The following GHRL variants were observed in gnomAD, a reference collection of about 807,000 sequenced individuals.
GHRL encodes appetite-regulating hormone.
GHRL carries 24 observed loss-of-function variants against 16.9 expected under a neutral mutation model. The ratio of observed to expected loss-of-function variants is 1.42; its 90% CI spans 1.03 to 2.00. The LOEUF is 2.00. GHRL is among the 30% of genes most tolerant of loss of function. The probability of loss-of-function intolerance (pLI) is 0.00; values close to 1 mark genes in which losing one functional copy is unlikely to be tolerated. For missense variants in GHRL, 193 were observed against 142.1 expected, an observed-to-expected ratio of 1.36 and a Z score of -1.82; for synonymous variants, 63 against 58.2, an observed-to-expected ratio of 1.08 and a Z score of -0.37.
At chr3:10,286,871 C>T in intron 4 of GHRL, 59 bp from the exon 5 acceptor site, 1 of 1,000,416 alleles carries the variant, frequency 1.0e-6, no homozygotes, top group East Asian at 2.4e-5. Context: ...ATCCCCATCT[C>T]AAAGGGGGCT....
rs1347806977 is a variant in GHRL at position 10,290,872 on chromosome 3, G to C, written c.-186C>G. The C allele has an allele frequency of 2.0e-6, 2 of 985,612 alleles. No individual in the cohort carries two copies. Among genetic ancestry groups the C allele is most frequent in the Non-Finnish European group, 2.4e-6 (2 of 830,120 alleles). 61.1% of individuals were successfully genotyped at this position (985,612 alleles called of 1,614,324 possible). ...GAACTAAAAATGTTCTTGTCCTCTG[G>C]GTAGAAGTCAACAGTGGAGGTCAGA... On this transcript the variant is annotated 5_prime_UTR_variant, in exon 2 of 6. Transcript: ENST00000335542.
chr3:10,289,857 G>A lies in GHRL; in HGVS notation c.130C>T (p.Pro44Ser). 1 of 1,613,282 alleles carries A rather than the reference G, an allele frequency of 6.2e-7. No individual in the cohort carries two copies. ...RVQQRKESKK[P>S]PAKLQPRALA... ...GCTCGGGGCTGCAGCTTGGCTGGTG[G>A]CTTCTTCGACTCCTTTCTCTGCTGG... The change falls in exon 4 of 6, where the codon CCA becomes TCA. Residue 44 changes from proline to serine, a missense_variant. Transcript: ENST00000335542.
chr3:10,289,144 C>T (rs1333870357), intron 4 of GHRL, among the ~76,000 whole-genome samples: 2 of 152,258 alleles, frequency 1.3e-5, no homozygotes, highest in Non-Finnish European at 2.9e-5. Context: ...TGAACCACAG[C>T]CACAGGAAGG....
Position 10,285,684 on chromosome 3 carries a change from T to C in GHRL, c.*191A>G. ...AGAATTATTTTTATTTGTATTATTT[T>C]GATTTTTTTAAAGTAAAATATTAAC... On this transcript the variant is annotated 3_prime_UTR_variant, in exon 6 of 6. Transcript: ENST00000335542. 1.8e-6 allele frequency: 1 copy of C among 548,070 alleles called. No homozygotes were observed. 34.0% of individuals were successfully genotyped at this position (548,070 alleles called of 1,614,324 possible). A position where few individuals can be genotyped will look rare whatever the true frequency, so the allele number is the denominator to read the frequency against.
chr3:10,286,836 C>T (rs1187191247), intron 4 of GHRL, 24 bp from the exon 5 acceptor site: 9 of 1,395,114 alleles, frequency 6.5e-6, no homozygotes, highest in Non-Finnish European at 9.2e-6. Context: ...CAGGGAGGAC[C>T]CAGGAGATGT....
intron 4 of GHRL, among the ~76,000 whole-genome samples, chr3:10,288,818 T>C (rs1699483750): frequency 6.6e-6 from 1 of 152,208 alleles, no homozygotes; most frequent in East Asian, 1.9e-4. Flanking sequence ...TCTCTGTCCA[T>C]CAGACCAGTG....
chr3:10,287,970 C>A (rs796716791), intron 4 of GHRL: 1 of 144,102 alleles, frequency 6.9e-6, no homozygotes, highest in Non-Finnish European at 1.5e-5. Flanking sequence ...CCATTCCCTC[C>A]AGTAAATACT....
intron 1 of GHRL, 137 bp downstream of exon 1, chr3:10,292,705 T>C: frequency 3.2e-6 from 2 of 626,486 alleles, no homozygotes; most frequent in Non-Finnish European, 5.6e-6. Context: ...GTGGAGAGGG[T>C]GGAGAGAGGT....
In GHRL at chr3:10,290,192, G is replaced by T. The variant is rs750654631; in HGVS notation, c.-12C>A. On this transcript the variant is annotated 5_prime_UTR_variant, in exon 3 of 6. Coordinates refer to ENST00000335542, the MANE Select transcript of GHRL (RefSeq NM_016362.5). ...CCTGGGGAGGGCATGGCCTCAGCTGGGTTGCAGACAGGTGGGCCTGGGGGA... is the reference window on the plus strand; with the variant it reads ...CCTGGGGAGGGCATGGCCTCAGCTGTGTTGCAGACAGGTGGGCCTGGGGGA... 7 of 1,606,156 alleles carry T rather than the reference G, an allele frequency of 4.4e-6. No individual in the cohort carries two copies. The highest frequency in any genetic ancestry group is 5.9e-6 in the Non-Finnish European group (7 of 1,177,572).
intron 4 of GHRL, chr3:10,287,916 T>G (rs1454097938): frequency 9.1e-6 from 1 of 109,818 alleles, no homozygotes; most frequent in Non-Finnish European, 1.8e-5. Flanking sequence ...ATGATTGAAT[T>G]TTTTTTTTTT....
At chr3:10,288,543 G>A (rs968151259) in intron 4 of GHRL, among the ~76,000 whole-genome samples, 1 of 152,206 alleles carries the variant, frequency 6.6e-6, no homozygotes, top group African/African-American at 2.4e-5. Flanking sequence ...TGTGGAGCTA[G>A]CCGTCTCACC....
intron 2 of GHRL, chr3:10,290,472 C>G: frequency 2.6e-6 from 1 of 390,520 alleles, no homozygotes; most frequent in South Asian, 3.7e-5. Flanking sequence ...GTCCCAGGCT[C>G]TGAGAGCTCA....
At chr3:10,286,878 G>T in intron 4 of GHRL, 66 bp from the exon 5 acceptor site, 1 of 924,056 alleles carries the variant, frequency 1.1e-6, no homozygotes, top group Non-Finnish European at 1.8e-6. Flanking sequence ...TCTCAAAGGG[G>T]GCTCTGGGCT....
intron 1 of GHRL, chr3:10,292,625 A>C: frequency 1.9e-6 from 1 of 533,210 alleles, no homozygotes; most frequent in South Asian, 2.7e-5. Context: ...TGTCACCAGG[A>C]GGTCTTCACA....
chr3:10,289,170 C>T (rs1321031500), intron 4 of GHRL, among the ~76,000 whole-genome samples: 7 of 152,222 alleles, frequency 4.6e-5, no homozygotes, highest in East Asian at 3.8e-4. Flanking sequence ...TAGAAAACCC[C>T]GTAAAATCCT....
At position 10,290,058 on chromosome 3, in the gene GHRL, G is replaced by A. The variant is rs768945629; in HGVS notation, c.108+15C>T. The A allele has an allele frequency of 6.2e-6, 10 of 1,610,586 alleles. No individual in the cohort carries two copies. The highest frequency in any genetic ancestry group is 8.5e-6 in the Non-Finnish European group (10 of 1,178,604). On this transcript the variant is annotated intron_variant, in intron 3 of 5. Coordinates refer to ENST00000335542, the MANE Select transcript of GHRL (RefSeq NM_016362.5). ...GGGCTGGAACAACATGTGGGGCTTT[G>A]TGGGGAGGTCTCACCTGGACTCTCT...
Position 10,291,043 on chromosome 3 carries a change from T to C in GHRL, c.-357A>G. 2.0e-6 allele frequency: 2 copies of C among 985,678 alleles called. No individual in the cohort carries two copies. The highest frequency in any genetic ancestry group is 9.4e-5 in the South Asian group (2 of 21,296). 61.1% of individuals were successfully genotyped at this position (985,678 alleles called of 1,614,324 possible). A position where few individuals can be genotyped will look rare whatever the true frequency, so the allele number is the denominator to read the frequency against. ...GCTCTGGGGTCTGGGTGCAGCTTTG[T>C]TGCTGTGTGACCTTAGCTTACTCGC... On this transcript the variant is annotated 5_prime_UTR_variant, in exon 2 of 6. Coordinates refer to ENST00000335542, the MANE Select transcript of GHRL (RefSeq NM_016362.5).
chr3:10,287,914 ATTTTTTTTTT>A (rs1014353877), intron 4 of GHRL: 8 of 76,782 alleles, frequency 1.0e-4, no homozygotes, highest in Non-Finnish European at 1.5e-4. Context: ...ACATGATTGA[ATTTTTTTTTT>A]TTTTTTTTTT....
At position 10,291,378 on chromosome 3, in the gene GHRL, T is replaced by C. The variant is rs1699991238; in HGVS notation, c.-692A>G. On this transcript the variant is annotated 5_prime_UTR_variant, in exon 2 of 6. Coordinates refer to ENST00000335542, the MANE Select transcript of GHRL (RefSeq NM_016362.5). ...GCCTGGCGTTTTTTCACATAGCAGCTTGCCTTGCCTCCCTCCAGCAGCTTT... is the reference window on the plus strand; with the variant it reads ...GCCTGGCGTTTTTTCACATAGCAGCCTGCCTTGCCTCCCTCCAGCAGCTTT... 1.0e-6 allele frequency: 1 copy of C among 985,510 alleles called. No individual in the cohort carries two copies. The highest frequency in any genetic ancestry group is 4.7e-5 in the South Asian group (1 of 21,288). 61.0% of individuals were successfully genotyped at this position (985,510 alleles called of 1,614,324 possible). A position where few individuals can be genotyped will look rare whatever the true frequency, so the allele number is the denominator to read the frequency against.
Sources: allele counts gnomAD v4.1 joint callset (sites outside exome capture counted in the v4.1 genomes callset), GRCh38; gene constraint gnomAD v4.1.1; transcripts MANE v1.5; gene names NCBI Gene and HGNC (gene_info 2026-07-23, HGNC 2026-07-21).